The following RALGPS2 variants were observed in gnomAD, a reference collection of about 807,000 sequenced individuals.
RALGPS2 encodes ras-specific guanine nucleotide-releasing factor RalGPS2.
RALGPS2 carries 43 observed loss-of-function variants against 86.8 expected under a neutral mutation model. The ratio of observed to expected loss-of-function variants is 0.50; its 90% CI spans 0.39 to 0.64. The LOEUF is 0.64. Among genes scored for constraint, RALGPS2 ranks in the 30% least tolerant of loss-of-function variants. RALGPS2 has a pLI of 0.00. For missense variants in RALGPS2, 536 were observed against 694.6 expected (o/e 0.77, Z 2.57); for synonymous variants, 243 against 231.3 (o/e 1.05, Z -0.46).
chr1:178,800,194 G>A (rs1305248102), intron 4 of RALGPS2, among the ~76,000 whole-genome samples: 3 of 152,130 alleles, frequency 2.0e-5, no homozygotes, highest in South Asian at 2.1e-4. Flanking sequence ...CAGCAGAAGA[G>A]TTCTAGTGAT....
chr1:178,776,982 G>T (rs555898086), intron 2 of RALGPS2, among the ~76,000 whole-genome samples, 161 bp downstream of exon 2: 47 of 151,454 alleles, frequency 3.1e-4, no homozygotes, highest in South Asian at 1.0e-3. Flanking sequence ...TTAAGTTTTA[G>T]GGTACATGTG....
intron 1 of RALGPS2, among the ~76,000 whole-genome samples, chr1:178,756,489 T>A (rs2102055605): frequency 6.6e-6 from 1 of 152,242 alleles, no homozygotes; most frequent in South Asian, 2.1e-4. Flanking sequence ...TATTTCTGGG[T>A]TCTCCATTCT....
chr1:178,797,144 G>A (rs1005142561), intron 4 of RALGPS2, among the ~76,000 whole-genome samples: 2 of 152,178 alleles, frequency 1.3e-5, no homozygotes, highest in African/African-American at 4.8e-5. Context: ...ACCTTTTGAT[G>A]TTCATATGAG....
intron 1 of RALGPS2, among the ~76,000 whole-genome samples, chr1:178,763,741 A>G (rs1003625293): frequency 5.3e-5 from 8 of 151,968 alleles, no homozygotes; most frequent in African/African-American, 1.9e-4. Context: ...CCTTAATTTC[A>G]TTATTTACCC....
At chr1:178,887,878 C>A (rs1659554584) in intron 13 of RALGPS2, among the ~76,000 whole-genome samples, 1 of 152,076 alleles carries the variant, frequency 6.6e-6, no homozygotes, top group South Asian at 2.1e-4. Flanking sequence ...AAAGAAAGAA[C>A]TTTTTTTCAG....
chr1:178,906,824 G>T lies in RALGPS2; in HGVS notation c.1679G>T (p.Trp560Leu). ...GGCAATAGAATGAATGCAATGTTAT[G>T]GTTTAAGCATTTGAGTGCAGCCTGC... is the stretch of plus-strand genomic sequence containing the variant. Reference protein sequence around the residue: ...QAGNRMNAMLWFKHLSAACQS... With the variant: ...QAGNRMNAMLLFKHLSAACQS... Residue 560 changes from tryptophan to leucine, a missense_variant, in exon 19 of 20, where the codon TGG (tryptophan) becomes TTG (leucine). Transcript: ENST00000367635. 1 of 1,612,958 alleles carries T rather than the reference G, an allele frequency of 6.2e-7. No individual in the cohort carries two copies. Among genetic ancestry groups the T allele is most frequent in the South Asian group, 1.1e-5 (1 of 90,762 alleles).
intron 19 of RALGPS2, among the ~76,000 whole-genome samples, chr1:178,909,241 A>G (rs952155634): frequency 6.6e-6 from 1 of 152,136 alleles, no homozygotes; most frequent in African/African-American, 2.4e-5. Context: ...TGGGCTCTCT[A>G]TACTGTTCCA....
intron 12 of RALGPS2, 24 bp downstream of exon 12, chr1:178,885,235 TC>T (rs1572450162): frequency 6.3e-7 from 1 of 1,596,394 alleles, no homozygotes; most frequent in Non-Finnish European, 8.5e-7. Flanking sequence ...ATTTTATCTT[TC>T]AAATTTTTAA....
At chr1:178,857,182 C>A (rs1035727545) in intron 8 of RALGPS2, among the ~76,000 whole-genome samples, 3 of 152,078 alleles carry the variant, frequency 2.0e-5, no homozygotes, top group Non-Finnish European at 2.9e-5. Flanking sequence ...TAGATTATTG[C>A]GTGTAATGCA....
chr1:178,830,111 A>G (rs1012828847), intron 7 of RALGPS2, among the ~76,000 whole-genome samples: 1 of 152,308 alleles, frequency 6.6e-6, no homozygotes, highest in African/African-American at 2.4e-5. Context: ...TTGTGAGATG[A>G]TGGATATGTT....
At chr1:178,773,241 C>T (rs1301837002) in intron 1 of RALGPS2, among the ~76,000 whole-genome samples, 1 of 152,058 alleles carries the variant, frequency 6.6e-6, no homozygotes, top group Admixed American at 6.6e-5. Flanking sequence ...ACTCAGAAAG[C>T]TGAGGTGGTG....
At chr1:178,746,278 A>G (rs1038874610) in intron 1 of RALGPS2, among the ~76,000 whole-genome samples, 1 of 152,234 alleles carries the variant, frequency 6.6e-6, no homozygotes, top group Non-Finnish European at 1.5e-5. Context: ...AATATTTGAT[A>G]GATACCTCAC....
rs1652271890 is a variant in RALGPS2, at chr1:178,762,085, T to C, written c.-83-14597T>C. On this transcript the variant is annotated intron_variant, in intron 1 of 19. Transcript: ENST00000367635. ...CCCACTGTACTCAGTGTTTAACTCC[T>C]ATTTATTAGTGAAGAACATGCAATA... Among the ~76,000 whole-genome samples the C allele has an allele frequency of 1.3e-5, 2 of 152,154 alleles. 1 individual carries two copies. The highest frequency in any genetic ancestry group is 1.3e-4 in the Admixed American group (2 of 15,272).
At position 178,867,169 on chromosome 1, in the gene RALGPS2, G is replaced by A. The variant is rs79390024; in HGVS notation, c.608-10329G>A. 6.0e-3 allele frequency among the ~76,000 whole-genome samples: 913 copies of A among 152,228 alleles called. 15 individuals are homozygous for A. Among genetic ancestry groups the A allele is most frequent in the African/African-American group, 0.021 (882 of 41,554 alleles). ...TGTTGTTAATAACAACACAATAACA[G>A]TAATTAATATTTATTGAGTGCTTGT... On this transcript the variant is annotated intron_variant, in intron 8 of 19. Coordinates refer to ENST00000367635, the MANE Select transcript of RALGPS2 (RefSeq NM_152663.5).
intron 1 of RALGPS2, among the ~76,000 whole-genome samples, chr1:178,744,994 A>G (rs1319576100): frequency 2.6e-5 from 4 of 152,232 alleles, no homozygotes; most frequent in Non-Finnish European, 5.9e-5. Context: ...GTAAATATCA[A>G]TTGCATTTAT....
chr1:178,872,731 A>T (rs1007568622), intron 8 of RALGPS2, among the ~76,000 whole-genome samples: 2 of 152,204 alleles, frequency 1.3e-5, no homozygotes, highest in Admixed American at 1.3e-4. Context: ...GAGCTTTTAA[A>T]CTTTCAGCAG....
At chr1:178,878,619 G>A (rs1254170636) in intron 9 of RALGPS2, among the ~76,000 whole-genome samples, 2 of 152,036 alleles carry the variant, frequency 1.3e-5, no homozygotes, top group African/African-American at 4.8e-5. Flanking sequence ...GTTTAGTTTA[G>A]AATAGTTCTT....
At chr1:178,767,547 C>T (rs2862519) in intron 1 of RALGPS2, among the ~76,000 whole-genome samples, 41,568 of 151,746 alleles carry the variant, frequency 0.27, 6,327 homozygotes, top group Non-Finnish European at 0.35. Context: ...ATGGGGCTCC[C>T]TCATGCAAAG....
intron 7 of RALGPS2, among the ~76,000 whole-genome samples, chr1:178,823,678 G>A (rs936710988): frequency 2.6e-5 from 4 of 152,186 alleles, no homozygotes; most frequent in African/African-American, 4.8e-5. Flanking sequence ...GAAGGTACCC[G>A]GTGGTAGGAG....
Sources: allele counts gnomAD v4.1 joint callset (sites outside exome capture counted in the v4.1 genomes callset), GRCh38; gene constraint gnomAD v4.1.1; transcripts MANE v1.5; gene names NCBI Gene and HGNC (gene_info 2026-07-23, HGNC 2026-07-21).